The following SLC44A5 variants were observed in gnomAD, a reference collection of about 807,000 sequenced individuals.
The protein encoded by SLC44A5 is solute carrier family 44 member 5, also known as choline transporter-like protein 5.
Under a neutral mutation model 101.8 loss-of-function variants are expected in SLC44A5, and 57 were observed. The ratio of observed to expected loss-of-function variants is 0.56; its 90% CI spans 0.45 to 0.70. The LOEUF (loss-of-function observed/expected upper bound fraction) is 0.70, where lower values mean the gene tolerates loss of function less well. Among genes scored for constraint, SLC44A5 ranks in the 30% least tolerant of loss-of-function variants. The probability of loss-of-function intolerance (pLI) is 0.00; values close to 1 mark genes in which losing one functional copy is unlikely to be tolerated. For missense variants in SLC44A5, 737 were observed against 853.1 expected (o/e 0.86, Z 1.70); for synonymous variants, 281 against 290.9 (o/e 0.97, Z 0.35).
chr1:75,333,402 C>T (rs940122746), intron 4 of SLC44A5, among the ~76,000 whole-genome samples: 2 of 150,488 alleles, frequency 1.3e-5, no homozygotes, highest in Non-Finnish European at 3.0e-5. Flanking sequence ...TAACACTCAT[C>T]TTTAATATTT....
chr1:75,697,988 G>A, the SLC44A5 span, among the ~76,000 whole-genome samples: 1 of 152,326 alleles, frequency 6.6e-6, no homozygotes, highest in African/African-American at 2.4e-5. Flanking sequence ...CCTGCACATG[G>A]CTTGGAGGGT....
chr1:75,333,080 A>T (rs1657171835), intron 4 of SLC44A5, among the ~76,000 whole-genome samples: 1 of 152,222 alleles, frequency 6.6e-6, no homozygotes, highest in African/African-American at 2.4e-5. Context: ...TTTAAAAAAA[A>T]AGTAGGTCCT....
At chr1:75,292,881 G>A (rs1653674307) in intron 5 of SLC44A5, among the ~76,000 whole-genome samples, 1 of 152,190 alleles carries the variant, frequency 6.6e-6, no homozygotes, top group Non-Finnish European at 1.5e-5. Context: ...ATAAAATACA[G>A]TATAGTGTAG....
chr1:75,565,664 T>A (rs890129683), intron 1 of SLC44A5, among the ~76,000 whole-genome samples: 1 of 152,184 alleles, frequency 6.6e-6, no homozygotes, highest in African/African-American at 2.4e-5. Flanking sequence ...CAGAGCCAGG[T>A]TCAAGTCCTA....
the SLC44A5 span, among the ~76,000 whole-genome samples, chr1:75,653,008 T>C: frequency 6.6e-6 from 1 of 152,236 alleles, no homozygotes; most frequent in Non-Finnish European, 1.5e-5. Context: ...GGATATGCTA[T>C]GCCATCTGAC....
At chr1:75,691,071 C>T in the SLC44A5 span, among the ~76,000 whole-genome samples, 1 of 152,104 alleles carries the variant, frequency 6.6e-6, no homozygotes, top group Non-Finnish European at 1.5e-5. Flanking sequence ...TGCACCCCCC[C>T]CTTTCTTGAG....
intron 2 of SLC44A5, among the ~76,000 whole-genome samples, chr1:75,513,430 C>T (rs1570490689): frequency 6.6e-6 from 1 of 152,196 alleles, no homozygotes; most frequent in East Asian, 1.9e-4. Context: ...CATAGCTTTA[C>T]CAATTGGTAC....
chr1:75,641,788 CA>C, the SLC44A5 span: 1 of 1,553,668 alleles, frequency 6.4e-7, no homozygotes, highest in Non-Finnish European at 8.9e-7. Context: ...CTTTAGAGTG[CA>C]AAGAAAAAAG....
intron 6 of SLC44A5, among the ~76,000 whole-genome samples, chr1:75,271,862 C>A (rs1239544651): frequency 6.6e-6 from 1 of 151,982 alleles, no homozygotes; most frequent in Non-Finnish European, 1.5e-5. Context: ...AAATGGTAGA[C>A]CTACCTTTAG....
intron 2 of SLC44A5, among the ~76,000 whole-genome samples, chr1:75,406,449 G>A (rs535313084): frequency 6.6e-6 from 1 of 152,284 alleles, no homozygotes; most frequent in East Asian, 1.9e-4. Context: ...GAACATCGAT[G>A]TGAAAATCCT....
chr1:75,569,074 C>T (rs1329392440), intron 1 of SLC44A5, among the ~76,000 whole-genome samples: 1 of 152,090 alleles, frequency 6.6e-6, no homozygotes, highest in Non-Finnish European at 1.5e-5. Context: ...AGGGACTGTG[C>T]TTATTCTGTT....
intron 7 of SLC44A5, 103 bp downstream of exon 7, chr1:75,251,106 CT>C (rs1649529440): frequency 1.2e-6 from 1 of 836,060 alleles, no homozygotes; most frequent in Non-Finnish European, 2.0e-6. Flanking sequence ...AATGAACCCC[CT>C]GCCCACGCAC....
intron 1 of SLC44A5, among the ~76,000 whole-genome samples, chr1:75,575,452 T>A (rs1673307809): frequency 6.6e-6 from 1 of 152,198 alleles, no homozygotes; most frequent in African/African-American, 2.4e-5. Flanking sequence ...GGTGAATGTA[T>A]TGCTGAATAG....
Position 75,205,104 on chromosome 1 carries a change from A to AT in SLC44A5, c.2048-1272dup, listed in dbSNP as rs1387137608. The AT allele has an allele frequency of 2.0e-5, 3 of 152,204 alleles. No homozygotes were observed. The East Asian group carries it at 5.8e-4, about 29-fold the overall frequency. 9.4% of individuals were successfully genotyped at this position (152,204 alleles called of 1,614,324 possible). On this transcript the variant is annotated intron_variant, in intron 23 of 23. Transcript: ENST00000370859. The stretch of plus-strand genomic sequence containing the variant: ...ACTTTTGAATACAATAATCTCAAGA[A>AT]TGTAAGCCAAGAACAAGCTGGTAGT...
chr1:75,219,110 C>G, intron 16 of SLC44A5, 147 bp downstream of exon 16: 1 of 650,076 alleles, frequency 1.5e-6, no homozygotes, highest in Non-Finnish European at 2.7e-6. Context: ...TCCTGCTTAC[C>G]TGATGCACAC....
intron 3 of SLC44A5, among the ~76,000 whole-genome samples, chr1:75,353,007 TA>T (rs1658800008): frequency 6.6e-6 from 1 of 152,202 alleles, no homozygotes; most frequent in South Asian, 2.1e-4. Flanking sequence ...CATTCCTAAA[TA>T]ATATAATTTG....
chr1:75,660,450 CAT>C, the SLC44A5 span, among the ~76,000 whole-genome samples: 1 of 151,968 alleles, frequency 6.6e-6, no homozygotes, highest in Non-Finnish European at 1.5e-5. Context: ...TTTCATTAAA[CAT>C]AGTAGTAGAA....
At chr1:75,392,814 A>G (rs1249820) in intron 3 of SLC44A5, among the ~76,000 whole-genome samples, 77,563 of 152,098 alleles carry the variant, frequency 0.51, 21,186 homozygotes, top group East Asian at 0.94. Context: ...AGGGAATACT[A>G]TGCAGCCACA....
the SLC44A5 span, among the ~76,000 whole-genome samples, chr1:75,645,053 T>A: frequency 6.6e-6 from 1 of 152,128 alleles, no homozygotes; most frequent in African/African-American, 2.4e-5. Flanking sequence ...TGGTTCCAAG[T>A]CTTTGCTATT....
Sources: allele counts gnomAD v4.1 joint callset (sites outside exome capture counted in the v4.1 genomes callset), GRCh38; gene constraint gnomAD v4.1.1; transcripts MANE v1.5; gene names NCBI Gene and HGNC (gene_info 2026-07-23, HGNC 2026-07-21).